The following SDK1 variants were observed in gnomAD, a reference collection of about 807,000 sequenced individuals.
SDK1 encodes sidekick cell adhesion molecule 1.
Under a neutral mutation model 245.5 loss-of-function variants are expected in SDK1, and 157 were observed. That is an observed-to-expected ratio of 0.64 (90% CI 0.56 to 0.73). The LOEUF (loss-of-function observed/expected upper bound fraction) is 0.73. Ranked by LOEUF, SDK1 falls within the 30% of genes least tolerant of loss-of-function variation. The pLI, the probability that SDK1 is intolerant of heterozygous loss-of-function variation, is 0.00. For missense variants in SDK1, 3,583 were observed against 3,002.3 expected (o/e 1.19, Z -4.52); for synonymous variants, 1,647 against 1,278.5 (o/e 1.29, Z -6.15).
intron 1 of SDK1, among the ~76,000 whole-genome samples, chr7:3,480,120 A>C (rs1048548716): frequency 6.6e-6 from 1 of 152,220 alleles, no homozygotes; most frequent in Non-Finnish European, 1.5e-5. Flanking sequence ...TTCGTTTTCA[A>C]ATACAGAGCT....
rs8514 is a variant in SDK1 at position 4,268,730 on chromosome 7, C to T, written c.*3346C>T. 0.19 allele frequency: 266,349 copies of T among 1,367,406 alleles called. 27,844 individuals carry two copies. The highest frequency in any genetic ancestry group is 0.21 in the Non-Finnish European group (214,372 of 1,021,738). The allele number at this position is 1,367,406 out of a possible 1,614,324, so 84.7% of individuals were successfully genotyped here. ...GTCTGCGTACCTAAGTGTGGCTCCCCGTGGGTCAGCGTCCTGGTAGCATGG... is the reference window on the plus strand; with the variant it reads ...GTCTGCGTACCTAAGTGTGGCTCCCTGTGGGTCAGCGTCCTGGTAGCATGG... On this transcript the variant is annotated 3_prime_UTR_variant, in exon 45 of 45. Coordinates refer to ENST00000404826, the MANE Select transcript of SDK1 (RefSeq NM_152744.4).
intron 38 of SDK1, among the ~76,000 whole-genome samples, chr7:4,217,164 G>A (rs1269814100): frequency 7.1e-5 from 9 of 126,104 alleles, no homozygotes; most frequent in African/African-American, 2.1e-4. Context: ...CACACCACCC[G>A]GAGCACCACA....
chr7:3,408,251 C>A (rs1779104803), intron 1 of SDK1, among the ~76,000 whole-genome samples: 1 of 151,908 alleles, frequency 6.6e-6, no homozygotes, highest in South Asian at 2.1e-4. Flanking sequence ...ACTATGTTGG[C>A]CAGGTTGATC....
intron 12 of SDK1, among the ~76,000 whole-genome samples, chr7:3,972,166 A>T: frequency 7.0e-6 from 1 of 142,650 alleles, no homozygotes; most frequent in Non-Finnish European, 1.5e-5. Flanking sequence ...TGCAAGCTCC[A>T]CCTCCCGGGT....
chr7:3,941,973 A>G (rs1780386129), intron 5 of SDK1, among the ~76,000 whole-genome samples: 1 of 139,602 alleles, frequency 7.2e-6, no homozygotes, highest in African/African-American at 2.8e-5. Context: ...CAGTGGCGTG[A>G]TCTTGGCTCA....
intron 13 of SDK1, among the ~76,000 whole-genome samples, chr7:3,983,205 G>A (rs1374109986): frequency 6.6e-6 from 1 of 152,194 alleles, no homozygotes; most frequent in Non-Finnish European, 1.5e-5. Context: ...GTAAAGCTGT[G>A]GCAGGGTTTG....
intron 40 of SDK1, among the ~76,000 whole-genome samples, chr7:4,231,658 T>C (rs61180366): frequency 0.012 from 1,902 of 152,192 alleles, 38 homozygotes; most frequent in South Asian, 0.082. Flanking sequence ...ATCAGTATTA[T>C]ACTACCTTTC....
chr7:4,030,616 T>C (rs1481714298), intron 17 of SDK1, among the ~76,000 whole-genome samples: 1 of 152,238 alleles, frequency 6.6e-6, no homozygotes, highest in Non-Finnish European at 1.5e-5. Context: ...CATACGCGCC[T>C]TGGTGCTATG....
chr7:3,964,323 G>C (rs1049774533), intron 9 of SDK1, among the ~76,000 whole-genome samples: 2 of 152,158 alleles, frequency 1.3e-5, no homozygotes, highest in Non-Finnish European at 2.9e-5. Flanking sequence ...CCTCTTCTCA[G>C]GGTAGCGTTG....
intron 5 of SDK1, among the ~76,000 whole-genome samples, chr7:3,942,416 C>G (rs1277623871): frequency 6.6e-6 from 1 of 152,188 alleles, no homozygotes; most frequent in East Asian, 1.9e-4. Flanking sequence ...CATCTTCTCT[C>G]CAGATAACCA....
chr7:3,757,653 C>T (rs189902744), intron 4 of SDK1, among the ~76,000 whole-genome samples: 1 of 152,322 alleles, frequency 6.6e-6, no homozygotes, highest in East Asian at 1.9e-4. Flanking sequence ...CCCAAGCTCT[C>T]TCCAGGCGCA....
Position 4,210,033 on chromosome 7 carries a change from G to T in SDK1, c.5410G>T (p.Ala1804Ser), listed in dbSNP as rs146262603. ...GTGTTCTATTCTCCCAGCCCCTGGG[G>T]CCCCCAGCTTTCTGGCGTTCTCAGA... ...QGRTHQAAPG[A>S]PSFLAFSEIT... Residue 1804 changes from alanine to serine, a missense_variant, in exon 38 of 45, where the codon GCC becomes TCC. Physicochemically the swap from Ala to Ser is moderately conservative, Grantham distance 99. Transcript: ENST00000404826. The T allele has an allele frequency of 4.5e-5, 71 of 1,586,338 alleles. No individual in the cohort carries two copies. The African/African-American group carries it at 8.3e-4, about 18-fold the overall frequency.
At chr7:4,056,649 CA>C (rs2128169052) in intron 19 of SDK1, among the ~76,000 whole-genome samples, 1 of 152,226 alleles carries the variant, frequency 6.6e-6, no homozygotes. Context: ...CCTCAAAACT[CA>C]CAGGCCCAAG....
At position 3,443,006 on chromosome 7, in the gene SDK1, C is replaced by G. The variant is rs148137332; in HGVS notation, c.298+141122C>G. ...AGATGAGGTGTGGGAAGCATGTTTA[C>G]TTATAAAGCAACACAATACCCTATC... is the stretch of plus-strand genomic sequence containing the variant. On this transcript the variant is annotated intron_variant, in intron 1 of 44. Coordinates refer to ENST00000404826, the MANE Select transcript of SDK1 (RefSeq NM_152744.4). Among the ~76,000 whole-genome samples, 374 of 150,726 alleles carry G rather than the reference C, an allele frequency of 2.5e-3. 4 individuals carry two copies. The highest frequency in any genetic ancestry group is 8.7e-3 in the African/African-American group (358 of 41,034).
rs115750879 is a variant in SDK1 at position 4,049,840 on chromosome 7, A to G, written c.2718+377A>G. 8.2e-3 allele frequency among the ~76,000 whole-genome samples: 1,246 copies of G among 152,300 alleles called. 12 individuals are homozygous for G. Among genetic ancestry groups the G allele is most frequent in the African/African-American group, 0.027 (1,104 of 41,554 alleles). ...CCGAGCAAAGGGAATGGTGTGAGTG[A>G]TATTTCCATGGAGAAAGGATAGTTT... On this transcript the variant is annotated intron_variant, in intron 18 of 44. Coordinates refer to ENST00000404826, the MANE Select transcript of SDK1 (RefSeq NM_152744.4).
At chr7:3,403,856 T>TGTAC (rs1778970718) in intron 1 of SDK1, among the ~76,000 whole-genome samples, 3 of 106,252 alleles carry the variant, frequency 2.8e-5, no homozygotes, top group Admixed American at 9.9e-5. Flanking sequence ...TATATATATA[T>TGTAC]ATATATATAT....
rs191995582 is a variant in SDK1, at chr7:3,395,417, T to C, written c.298+93533T>C. On this transcript the variant is annotated intron_variant, in intron 1 of 44. Coordinates refer to ENST00000404826, the MANE Select transcript of SDK1 (RefSeq NM_152744.4). ...ATCTGTGTTTGTGAGAGATACTGGT[T>C]TGTAGTTTTCCTTTCTGGTAATAAT... 1.4e-3 allele frequency among the ~76,000 whole-genome samples: 214 copies of C among 152,030 alleles called. 2 individuals carry two copies. In the Middle Eastern group the frequency reaches 0.054, roughly 39 times the overall value.
chr7:3,408,532 T>C (rs889624314), intron 1 of SDK1, among the ~76,000 whole-genome samples: 2 of 152,220 alleles, frequency 1.3e-5, no homozygotes, highest in African/African-American at 4.8e-5. Flanking sequence ...TTTGACAAAT[T>C]AATGAAGAAA....
intron 1 of SDK1, among the ~76,000 whole-genome samples, chr7:3,494,097 G>A (rs1431529722): frequency 2.0e-5 from 3 of 151,982 alleles, no homozygotes; most frequent in East Asian, 1.9e-4. Flanking sequence ...AGTCAGACAT[G>A]TTCCAAGAAC....
Sources: gnomAD v4.1 joint callset for allele counts (sites outside exome capture counted in the v4.1 genomes callset) on GRCh38, gnomAD v4.1.1 for gene constraint, MANE v1.5 for transcripts, NCBI Gene and HGNC (gene_info 2026-07-23, HGNC 2026-07-21) for gene names.